CA4: variants seen among roughly 807,000 people sequenced by gnomAD.
The protein encoded by CA4 is CA-IV.
A neutral mutation model predicts 34.5 loss-of-function variants in CA4; 24 were observed. That is an observed-to-expected ratio of 0.70 (90% CI 0.50 to 0.98). The LOEUF is 0.98. CA4 is among the 50% of genes least tolerant of loss of function. The probability of loss-of-function intolerance (pLI) is 0.00; values close to 1 mark genes in which losing one functional copy is unlikely to be tolerated. For missense variants in CA4, 394 were observed against 396.7 expected (o/e 0.99, Z 0.06); for synonymous variants, 178 against 170.6 (o/e 1.04, Z -0.34).
At chr17:60,173,741 G>C (rs1048313092), downstream of CA4, among the ~76,000 whole-genome samples, 21 of 152,222 alleles carry the variant, frequency 1.4e-4, no homozygotes, top group Admixed American at 9.2e-4. Flanking sequence ...TTCCTCTGAG[G>C]AACTTATTAG....
intron 7 of CA4, 48 bp downstream of exon 7, chr17:60,158,494 C>T (rs1378554670): frequency 6.3e-7 from 1 of 1,589,148 alleles, no homozygotes; most frequent in Non-Finnish European, 8.6e-7. Context: ...CCTGGCTCCC[C>T]AGAAATTATC....
chr17:60,174,516 C>T (rs1320556966), downstream of CA4, among the ~76,000 whole-genome samples: 1 of 151,506 alleles, frequency 6.6e-6, no homozygotes, highest in East Asian at 1.9e-4. Flanking sequence ...GAGTCCCCAT[C>T]GCTCCCCATT....
At chr17:60,156,804 G>T (rs911370235) in intron 3 of CA4, 89 bp downstream of exon 3, 1 of 1,228,148 alleles carries the variant, frequency 8.1e-7, no homozygotes, top group Non-Finnish European at 1.2e-6. Context: ...GGGTGTGCCA[G>T]ACCCAGGCCC....
chr17:60,170,329 G>C (rs1455145623), intron 5 of CA4, among the ~76,000 whole-genome samples: 1 of 152,204 alleles, frequency 6.6e-6, no homozygotes, highest in African/African-American at 2.4e-5. Context: ...CATGGCTGCT[G>C]TGGCTGGTGG....
downstream of CA4, among the ~76,000 whole-genome samples, chr17:60,171,879 G>A (rs1044362290): frequency 6.6e-6 from 1 of 152,158 alleles, no homozygotes; most frequent in Non-Finnish European, 1.5e-5. Context: ...ACCGAGGCGC[G>A]GACAAGGCAA....
rs1356739833 is a variant in CA4, at chr17:60,157,524, A to G, written c.366A>G (p.Pro122=). The G allele has an allele frequency of 2.2e-5, 36 of 1,614,086 alleles. No homozygotes were observed. Among genetic ancestry groups the G allele is most frequent in the Middle Eastern group, 1.6e-4 (1 of 6,084 alleles). ...KQLHLHWSDL[P]YKGSEHSLDG... is the part of the protein sequence containing the mutation. ...TGCACCTGCACTGGTCCGACTTGCC[A>G]TATAAGGGCTCGGAGCACAGCCTCG... The change falls in exon 4 of 8, where the codon CCA becomes CCG. Residue 122 remains proline, a synonymous_variant. Coordinates refer to ENST00000300900, the MANE Select transcript of CA4 (RefSeq NM_000717.5).
intron 2 of CA4, 79 bp from the exon 3 acceptor site, chr17:60,156,481 C>G: frequency 1.4e-6 from 2 of 1,428,102 alleles, no homozygotes; most frequent in South Asian, 2.3e-5. Context: ...AGTGGGTGGG[C>G]CTGACTTCAG....
At chr17:60,175,754 TTC>T (rs1288036402), downstream of CA4, among the ~76,000 whole-genome samples, 1 of 151,924 alleles carries the variant, frequency 6.6e-6, no homozygotes, top group Non-Finnish European at 1.5e-5. Context: ...TGTATTAATT[TTC>T]TGTTTGTTCC....
chr17:60,170,305 G>C (rs1479438167), intron 5 of CA4, among the ~76,000 whole-genome samples: 1 of 152,184 alleles, frequency 6.6e-6, no homozygotes, highest in Non-Finnish European at 1.5e-5. Context: ...GGCCAGTGGG[G>C]AGCACGAGAT....
chr17:60,161,754 G>A (rs1160259273), downstream of CA4, among the ~76,000 whole-genome samples: 2 of 148,086 alleles, frequency 1.4e-5, no homozygotes, highest in African/African-American at 5.3e-5. Flanking sequence ...CTGTGGGGGA[G>A]GGGTGGTATT....
intron 2 of CA4, among the ~76,000 whole-genome samples, chr17:60,156,110 C>A (rs541829673): frequency 6.1e-4 from 93 of 152,238 alleles, no homozygotes; most frequent in Non-Finnish European, 8.1e-4. Context: ...CATCAGCAGC[C>A]CCCCCGGGGG....
At chr17:60,157,857 T>A (rs992128734) in intron 5 of CA4, 69 bp downstream of exon 5, 1 of 1,534,884 alleles carries the variant, frequency 6.5e-7, no homozygotes, top group Non-Finnish European at 9.0e-7. Context: ...TTCAGAGACC[T>A]GGGACTCCAG....
At chr17:60,162,164 A>G (rs1245470336), downstream of CA4, among the ~76,000 whole-genome samples, 1 of 152,066 alleles carries the variant, frequency 6.6e-6, no homozygotes, top group Non-Finnish European at 1.5e-5. Context: ...CCCAGAGGCC[A>G]CAGCAGGTGC....
intron 5 of CA4, among the ~76,000 whole-genome samples, chr17:60,169,026 C>G (rs1444476792): frequency 6.6e-6 from 1 of 152,094 alleles, no homozygotes; most frequent in East Asian, 1.9e-4. Flanking sequence ...GTGGGCAGAT[C>G]ACCTGAAGTC....
chr17:60,155,813 A>C (rs971582779), intron 2 of CA4, among the ~76,000 whole-genome samples: 2 of 152,218 alleles, frequency 1.3e-5, no homozygotes, highest in African/African-American at 4.8e-5. Flanking sequence ...CGGTAGCAGC[A>C]TTAAAGGAAG....
At chr17:60,159,019 A>G (rs1244583743) in intron 7 of CA4, 2 of 611,092 alleles carry the variant, frequency 3.3e-6, no homozygotes, top group Non-Finnish European at 5.9e-6. Flanking sequence ...AGTGAAAGGA[A>G]GCCAATGGGC....
intron 1 of CA4, among the ~76,000 whole-genome samples, chr17:60,152,962 A>G (rs2083617391): frequency 6.6e-6 from 1 of 152,146 alleles, no homozygotes; most frequent in Admixed American, 6.5e-5. Flanking sequence ...AATTAATAAT[A>G]TTTACTACAC....
chr17:60,172,790 G>A (rs1387921623), downstream of CA4, among the ~76,000 whole-genome samples: 1 of 152,028 alleles, frequency 6.6e-6, no homozygotes, highest in African/African-American at 2.4e-5. Flanking sequence ...GTTTCAGTGA[G>A]CCGAGATAGT....
downstream of CA4, among the ~76,000 whole-genome samples, chr17:60,174,438 G>A (rs2083939334): frequency 6.6e-6 from 1 of 151,792 alleles, no homozygotes; most frequent in African/African-American, 2.4e-5. Context: ...GTGAACACTG[G>A]GGCCCACATT....
Sources: allele counts gnomAD v4.1 joint callset (sites outside exome capture counted in the v4.1 genomes callset), GRCh38; gene constraint gnomAD v4.1.1; transcripts MANE v1.5; gene names NCBI Gene and HGNC (gene_info 2026-07-23, HGNC 2026-07-21).